Variants in PCDHGC4 observed in about 807,000 individuals in gnomAD.
PCDHGC4 encodes the protein protocadherin gamma subfamily C, 4.
PCDHGC4 carries 15 observed loss-of-function variants against 59.7 expected under a neutral mutation model. The observed-to-expected ratio is 0.25, with a 90% CI of 0.17 to 0.39. PCDHGC4 has a LOEUF of 0.39. PCDHGC4 is among the 10% of genes least tolerant of loss of function. The probability of loss-of-function intolerance (pLI) is 1.00; values close to 1 mark genes in which losing one functional copy is unlikely to be tolerated. For missense variants in PCDHGC4, 1,016 were observed against 1,189.5 expected (o/e 0.85, Z 2.15); for synonymous variants, 434 against 481.4 (o/e 0.90, Z 1.29).
In PCDHGC4 at chr5:141,489,537, C is replaced by T. The variant is rs2099688580; in HGVS notation, c.2442+1922C>T. 6.2e-6 allele frequency: 10 copies of T among 1,614,118 alleles called. No homozygotes were observed. Among genetic ancestry groups the T allele is most frequent in the Non-Finnish European group, 8.5e-6 (10 of 1,180,028 alleles). ...ACCGAGAAAGCCTATGTGGAGCCAG[C>T]ACCAGCTGCCTGCTGCCAGTGCAGG... On this transcript the variant is annotated intron_variant, in intron 1 of 3. Transcript: ENST00000306593. This position sits in a 1 kb window ranked among gnomAD's most constrained non-coding sequence, Gnocchi z 4.5.
chr5:141,487,033 A>T lies in PCDHGC4; in HGVS notation c.1860A>T (p.Ala620=), dbSNP rs1465525110. ...AGGCCCCAGATCCCAGCCTGTTTGC[A>T]GTCTCTCGATATGCTGGGGAGGTGC... The part of the protein sequence containing the change: ...LLEAPDPSLF[A]VSRYAGEVRT... The change falls in exon 1 of 4, where the codon GCA becomes GCT. Residue 620 remains alanine (A), a synonymous_variant. Coordinates refer to ENST00000306593, the MANE Select transcript of PCDHGC4 (RefSeq NM_018928.3). This position sits in a 1 kb window ranked among gnomAD's most constrained non-coding sequence, Gnocchi z 5.0. The T allele has an allele frequency of 6.2e-7, 1 of 1,614,042 alleles. No homozygotes were observed. The highest frequency in any genetic ancestry group is 8.5e-7 in the Non-Finnish European group (1 of 1,180,040).
At chr5:141,503,598 C>CAAA (rs765754054) in intron 2 of PCDHGC4, among the ~76,000 whole-genome samples, 1 of 65,748 alleles carries the variant, frequency 1.5e-5, no homozygotes. Context: ...GACTCCAGCT[C>CAAA]AAAAAAAAAA....
chr5:141,496,747 A>T (rs13188028), intron 2 of PCDHGC4, among the ~76,000 whole-genome samples: 1 of 152,124 alleles, frequency 6.6e-6, no homozygotes, highest in Non-Finnish European at 1.5e-5. Context: ...CATTTATTCA[A>T]CAAATATTTA....
In PCDHGC4 at chr5:141,485,632, G is replaced by A. The variant is rs1335265010; in HGVS notation, c.459G>A (p.Pro153=). Residue 153 remains proline (P), a synonymous_variant, in exon 1 of 4, where the codon CCG becomes CCA. Transcript: ENST00000306593. This position sits in a 1 kb window ranked among gnomAD's most constrained non-coding sequence, Gnocchi z 5.7. ...CAGCTCCTCCAGGACAGCGTTTCCCGTTGGAAAAGGCTCAGGATGCAGATG... is the reference window on the plus strand; with the variant it reads ...CAGCTCCTCCAGGACAGCGTTTCCCATTGGAAAAGGCTCAGGATGCAGATG... ...GEAAPPGQRF[P]LEKAQDADVG... 1.2e-6 allele frequency: 2 copies of A among 1,611,766 alleles called. No homozygotes were observed. The highest frequency in any genetic ancestry group is 1.7e-6 in the Non-Finnish European group (2 of 1,178,342).
chr5:141,490,111 A>G lies in PCDHGC4; in HGVS notation c.2442+2496A>G. 6.2e-7 allele frequency: 1 copy of G among 1,614,244 alleles called. No individual in the cohort carries two copies. The highest frequency in any genetic ancestry group is 8.5e-7 in the Non-Finnish European group (1 of 1,180,042). On this transcript the variant is annotated intron_variant, in intron 1 of 3. Coordinates refer to ENST00000306593, the MANE Select transcript of PCDHGC4 (RefSeq NM_018928.3). The surrounding 1 kb of genome is among the most constrained non-coding windows in gnomAD (Gnocchi z 5.4). ...AGACCACACATCTGAGGCAGTGCGGAACCTCTTTGGCCTAGACCCTAGCAG... is the reference window on the plus strand; with the variant it reads ...AGACCACACATCTGAGGCAGTGCGGGACCTCTTTGGCCTAGACCCTAGCAG...
intron 3 of PCDHGC4, 43 bp from the exon 4 acceptor site, chr5:141,510,903 GA>G: frequency 6.2e-7 from 1 of 1,613,454 alleles, no homozygotes; most frequent in Non-Finnish European, 8.5e-7. Flanking sequence ...GACTGTTGAG[GA>G]CCCTAAGTTT....
chr5:141,489,126 T>G lies in PCDHGC4; in HGVS notation c.2442+1511T>G. 31 of 585,108 alleles carry G rather than the reference T, an allele frequency of 5.3e-5. No homozygotes were observed. Among genetic ancestry groups the G allele is most frequent in the South Asian group, 1.3e-4 (4 of 31,402 alleles). 36.2% of individuals were successfully genotyped at this position (585,108 alleles called of 1,614,324 possible). On this transcript the variant is annotated intron_variant, in intron 1 of 3. Transcript: ENST00000306593. The surrounding 1 kb of genome is among the most constrained non-coding windows in gnomAD (Gnocchi z 4.5). ...TGCAAGCAGGCAAACCTCCGAGCAG[T>G]TTTTAAGAGGCTGGAAGGAGACATA...
intron 1 of PCDHGC4, among the ~76,000 whole-genome samples, chr5:141,492,559 C>G (rs533830391): frequency 2.0e-5 from 3 of 152,174 alleles, no homozygotes; most frequent in Non-Finnish European, 4.4e-5. Context: ...GCCTGGGGGG[C>G]GGCCTGAGCG....
Position 141,491,445 on chromosome 5 carries a change from C to G in PCDHGC4, c.2443-3362C>G. ...GAGGGCAGTGCTGCAGGCGCCAGGACTCACCCTCCCCGGACTTCTATAAGC... is the reference window on the plus strand; with the variant it reads ...GAGGGCAGTGCTGCAGGCGCCAGGAGTCACCCTCCCCGGACTTCTATAAGC... On this transcript the variant is annotated intron_variant, in intron 1 of 3. Coordinates refer to ENST00000306593, the MANE Select transcript of PCDHGC4 (RefSeq NM_018928.3). This position sits in a 1 kb window ranked among gnomAD's most constrained non-coding sequence, Gnocchi z 6.9. 6.2e-7 allele frequency: 1 copy of G among 1,614,112 alleles called. No individual in the cohort carries two copies. Among genetic ancestry groups the G allele is most frequent in the Non-Finnish European group, 8.5e-7 (1 of 1,180,032 alleles).
Position 141,485,261 on chromosome 5 carries a change from C to G in PCDHGC4, c.88C>G (p.Gln30Glu), listed in dbSNP as rs759268725. 1 of 1,614,076 alleles carries G rather than the reference C, an allele frequency of 6.2e-7. No homozygotes were observed. The highest frequency in any genetic ancestry group is 8.5e-7 in the Non-Finnish European group (1 of 1,179,904). Residue 30 changes from glutamine to glutamate, a missense_variant, in exon 1 of 4, where the codon CAG becomes GAG. Transcript: ENST00000306593. This position sits in a 1 kb window ranked among gnomAD's most constrained non-coding sequence, Gnocchi z 5.7. The stretch of plus-strand genomic sequence containing the variant: ...TTACCACCTGGGTTACGTTTGTGGG[C>G]AGATCCGCTACCCGGTCCCAGAGGA... Reference protein sequence around the residue: ...LFYHLGYVCGQIRYPVPEESQ... With the variant: ...LFYHLGYVCGEIRYPVPEESQ...
Position 141,486,276 on chromosome 5 carries a change from T to C in PCDHGC4, c.1103T>C (p.Val368Ala). The C allele has an allele frequency of 1.2e-6, 2 of 1,613,980 alleles. No homozygotes were observed. The highest frequency in any genetic ancestry group is 1.7e-6 in the Non-Finnish European group (2 of 1,179,974). Residue 368 changes from valine (V) to alanine (A), a missense_variant, in exon 1 of 4, where the codon GTG becomes GCG. Val to Ala is a moderately conservative substitution (Grantham distance 64). Coordinates refer to ENST00000306593, the MANE Select transcript of PCDHGC4 (RefSeq NM_018928.3). The surrounding 1 kb of genome is among the most constrained non-coding windows in gnomAD (Gnocchi z 5.0). The part of the protein sequence containing the change: ...TLPESAEPGT[V>A]VALISVQDPD... ...CCCGAGAGTGCAGAACCTGGCACTG[T>C]GGTGGCACTTATCAGTGTGCAGGAT...
rs776015544 is a variant in PCDHGC4, at chr5:141,485,125, G to C, written c.-49G>C. The C allele has an allele frequency of 7.1e-7, 1 of 1,412,278 alleles. No homozygotes were observed. Among genetic ancestry groups the C allele is most frequent in the Admixed American group, 1.7e-5 (1 of 57,660 alleles). 87.5% of individuals were successfully genotyped at this position (1,412,278 alleles called of 1,614,324 possible). On this transcript the variant is annotated 5_prime_UTR_variant, in exon 1 of 4. Transcript: ENST00000306593. The surrounding 1 kb of genome is among the most constrained non-coding windows in gnomAD (Gnocchi z 5.7). The stretch of plus-strand genomic sequence containing the variant: ...CTGCTGTGGCTGTTTGGGGCGGGTC[G>C]GCTTCATCCGCGTCTCAGGAGCAAG...
At chr5:141,488,011 T>C (rs1424799954) in intron 1 of PCDHGC4, among the ~76,000 whole-genome samples, 1 of 152,182 alleles carries the variant, frequency 6.6e-6, no homozygotes, top group Non-Finnish European at 1.5e-5. Context: ...GATTCTGAAG[T>C]ACCTTAACTC....
chr5:141,511,823 G>A lies in PCDHGC4; in HGVS notation c.*650G>A, dbSNP rs1490513046. On this transcript the variant is annotated 3_prime_UTR_variant, in exon 4 of 4. Transcript: ENST00000306593. ...TTTTGCTACCAAGCCTCTTCCCAACGCCCTGGGGACCAGTCTTCTGTTTTG... is the reference window on the plus strand; with the variant it reads ...TTTTGCTACCAAGCCTCTTCCCAACACCCTGGGGACCAGTCTTCTGTTTTG... 4 of 156,728 alleles carry A rather than the reference G, an allele frequency of 2.6e-5. No homozygotes were observed. The highest frequency in any genetic ancestry group is 3.2e-3 in the Middle Eastern group (1 of 316). 9.7% of individuals were successfully genotyped at this position (156,728 alleles called of 1,614,324 possible). A position where few individuals can be genotyped will look rare whatever the true frequency, so the allele number is the denominator to read the frequency against.
At position 141,511,393 on chromosome 5, in the gene PCDHGC4, C is replaced by G. The variant is rs1257680621; in HGVS notation, c.*220C>G. The G allele has an allele frequency of 2.8e-6, 3 of 1,067,816 alleles. No individual in the cohort carries two copies. The highest frequency in any genetic ancestry group is 3.9e-6 in the Non-Finnish European group (3 of 764,518). The allele number at this position is 1,067,816 out of a possible 1,614,324, so 66.1% of individuals were successfully genotyped here. A position where few individuals can be genotyped will look rare whatever the true frequency, so the allele number is the denominator to read the frequency against. On this transcript the variant is annotated 3_prime_UTR_variant, in exon 4 of 4. Coordinates refer to ENST00000306593, the MANE Select transcript of PCDHGC4 (RefSeq NM_018928.3). ...CAAAAGCAGTTCCGCTGGGAACCCC[C>G]ATCCAATCAACTGCTGTACCCATGG...
intron 1 of PCDHGC4, among the ~76,000 whole-genome samples, chr5:141,492,356 G>A (rs2099739649): frequency 6.6e-6 from 1 of 152,198 alleles, no homozygotes; most frequent in Non-Finnish European, 1.5e-5. Context: ...ACTGCCACTC[G>A]CTCGCGGCCA....
At chr5:141,492,727 G>A (rs2099743408) in intron 1 of PCDHGC4, among the ~76,000 whole-genome samples, 1 of 152,274 alleles carries the variant, frequency 6.6e-6, no homozygotes, top group South Asian at 2.1e-4. Flanking sequence ...GACAGGCAGA[G>A]CTGCCCAGTG....
Position 141,490,220 on chromosome 5 carries a change from A to G in PCDHGC4, c.2442+2605A>G. 6.2e-7 allele frequency: 1 copy of G among 1,614,252 alleles called. No individual in the cohort carries two copies. Among genetic ancestry groups the G allele is most frequent in the Non-Finnish European group, 8.5e-7 (1 of 1,180,044 alleles). On this transcript the variant is annotated intron_variant, in intron 1 of 3. Coordinates refer to ENST00000306593, the MANE Select transcript of PCDHGC4 (RefSeq NM_018928.3). This position sits in a 1 kb window ranked among gnomAD's most constrained non-coding sequence, Gnocchi z 5.4. The stretch of plus-strand genomic sequence containing the variant: ...CATGCAAGAGCCCGTGACCAGGGAC[A>G]GCCTGCCATGGAGGGCCACTGTGTG...
chr5:141,494,996 C>A (rs2099758091), intron 2 of PCDHGC4, 131 bp downstream of exon 2: 2 of 1,539,742 alleles, frequency 1.3e-6, no homozygotes, highest in African/African-American at 1.4e-5. Context: ...CCAGGGAGGT[C>A]TTGGTGTGCG....
Sources: gnomAD v4.1 joint callset for allele counts (sites outside exome capture counted in the v4.1 genomes callset) on GRCh38, gnomAD v4.1.1 for gene constraint, Gnocchi (gnomAD v3.1) non-coding constraint, MANE v1.5 for transcripts, NCBI Gene and HGNC (gene_info 2026-07-23, HGNC 2026-07-21) for gene names.